Variants in USP7 observed in about 807,000 individuals in gnomAD.
The protein encoded by USP7 is ubiquitin C-terminal hydrolase 7.
A neutral mutation model predicts 162.9 loss-of-function variants in USP7; 9 were observed. The observed-to-expected ratio is 0.06, with a 90% CI of 0.03 to 0.10. USP7 has a LOEUF of 0.10. Among genes scored for constraint, USP7 ranks in the 10% least tolerant of loss-of-function variants. The pLI, the probability that USP7 is intolerant of heterozygous loss-of-function variation, is 1.00. For synonymous variants in USP7, 562 were observed against 475.9 expected (o/e 1.18, Z -2.35); for missense variants, 715 against 1,373.7 (o/e 0.52, Z 7.58).
At chr16:8,923,817 T>C (rs1383581067) in intron 2 of USP7, among the ~76,000 whole-genome samples, 1 of 152,198 alleles carries the variant, frequency 6.6e-6, no homozygotes, top group African/African-American at 2.4e-5. Flanking sequence ...GACATGGGAC[T>C]TGGGCTGACT....
At chr16:8,939,249 G>C (rs547508047) in intron 1 of USP7, among the ~76,000 whole-genome samples, 1 of 152,008 alleles carries the variant, frequency 6.6e-6, no homozygotes, top group Non-Finnish European at 1.5e-5. Context: ...GCCCTGTTAC[G>C]ACCACCCACC....
At chr16:8,956,196 ATCT>A (rs1428356094) in intron 1 of USP7, 1 of 152,194 alleles carries the variant, frequency 6.6e-6, no homozygotes, top group Non-Finnish European at 1.5e-5. Flanking sequence ...GGATTTTTTA[ATCT>A]TCTATGGCAG....
chr16:8,899,010 G>T, intron 23 of USP7, 111 bp downstream of exon 23: 2 of 1,130,094 alleles, frequency 1.8e-6, no homozygotes, highest in Non-Finnish European at 2.6e-6. Flanking sequence ...GCAAGAAATG[G>T]ACTGTCAGGT....
At chr16:8,924,292 G>A (rs762116730) in intron 2 of USP7, among the ~76,000 whole-genome samples, 15 of 152,338 alleles carry the variant, frequency 9.8e-5, no homozygotes, top group Non-Finnish European at 2.1e-4. Flanking sequence ...ACACCAATCT[G>A]TTATTGACCA....
chr16:8,903,451 A>G (rs770036561), intron 15 of USP7, 49 bp from the exon 16 acceptor site: 9 of 1,595,148 alleles, frequency 5.6e-6, no homozygotes, highest in Non-Finnish European at 6.8e-6. Flanking sequence ...CTGACAAAAA[A>G]TGAGTCCACA....
chr16:8,918,930 A>T, intron 6 of USP7, 101 bp downstream of exon 6: 4 of 1,156,228 alleles, frequency 3.5e-6, no homozygotes, highest in Non-Finnish European at 5.2e-6. Flanking sequence ...AGACAGGGCC[A>T]GGGGAGGGAG....
chr16:8,894,590 G>A lies in USP7; in HGVS notation c.3162C>T (p.Asp1054=), dbSNP rs201268930. The change falls in exon 30 of 31, where the codon GAC becomes GAT. Residue 1054 remains aspartate, a synonymous_variant. Transcript: ENST00000344836. ...AGTCTTTCAAATTTACTTCATACTC[G>A]TCTTCATTTATGTACTGGTGTCGGC... The part of the protein sequence containing the change: ...MMGRHQYINE[D]EYEVNLKDFE... 1.2e-5 allele frequency: 20 copies of A among 1,613,448 alleles called. No individual in the cohort carries two copies. The highest frequency in any genetic ancestry group is 3.3e-5 in the Admixed American group (2 of 60,004).
chr16:8,924,668 G>A (rs1897892521), intron 2 of USP7, among the ~76,000 whole-genome samples: 1 of 152,242 alleles, frequency 6.6e-6, no homozygotes, highest in African/African-American at 2.4e-5. Context: ...ACTAACAACT[G>A]AGTTCTCAGC....
Position 8,903,421 on chromosome 16 carries a change from G to C in USP7, c.1705-19C>G, listed in dbSNP as rs1427143132. 1.9e-6 allele frequency: 3 copies of C among 1,608,884 alleles called. No homozygotes were observed. The highest frequency in any genetic ancestry group is 1.7e-5 in the Admixed American group (1 of 59,612). ...CGACTATCTGAAAATATGTATGAAA[G>C]CACAGAAAAGACTTGACAACTGACA... On this transcript the variant is annotated intron_variant, in intron 15 of 30. Transcript: ENST00000344836.
At chr16:8,957,384 C>A (rs1266417608) in intron 1 of USP7, among the ~76,000 whole-genome samples, 10 of 152,148 alleles carry the variant, frequency 6.6e-5, no homozygotes, top group Admixed American at 6.5e-4. Flanking sequence ...CTCTTGTTCT[C>A]CAGGATAAAA....
intron 10 of USP7, among the ~76,000 whole-genome samples, chr16:8,912,106 C>T (rs571038449): frequency 6.6e-6 from 1 of 152,088 alleles, no homozygotes; most frequent in Admixed American, 6.5e-5. Context: ...TATCTAACAC[C>T]CAGCAAGATA....
chr16:8,926,257 A>C (rs546431596), intron 2 of USP7, among the ~76,000 whole-genome samples: 1 of 152,088 alleles, frequency 6.6e-6, no homozygotes, highest in South Asian at 2.1e-4. Context: ...GCGGGCGGAT[A>C]ACCTGAGGTC....
rs550804234 is a variant in USP7, at chr16:8,895,754, G to GAA, written c.2820-15_2820-14dup. 8 of 1,525,648 alleles carry GAA rather than the reference G, an allele frequency of 5.2e-6. No homozygotes were observed. The highest frequency in any genetic ancestry group is 7.1e-6 in the Non-Finnish European group (8 of 1,131,838). The allele number at this position is 1,525,648 out of a possible 1,614,324, so 94.5% of individuals were successfully genotyped here. A position where few individuals can be genotyped will look rare whatever the true frequency, so the allele number is the denominator to read the frequency against. ...AATTTCTAGCAGCCTGAACAGAGAG[G>GAA]AAAAAAAAATAGGGCAAAATGAAGT... On this transcript the variant is annotated splice_polypyrimidine_tract_variant and intron_variant, in intron 26 of 30. Transcript: ENST00000344836.
At chr16:8,907,826 A>C (rs1221474753) in intron 12 of USP7, among the ~76,000 whole-genome samples, 1 of 152,224 alleles carries the variant, frequency 6.6e-6, no homozygotes, top group East Asian at 1.9e-4. Flanking sequence ...AAACATAATA[A>C]AACAAAGTAA....
chr16:8,894,203 AG>A (rs1435577347), intron 30 of USP7, 99 bp from the exon 31 acceptor site: 3 of 1,149,566 alleles, frequency 2.6e-6, no homozygotes, highest in Admixed American at 1.7e-5. Flanking sequence ...TGGCTCCCCA[AG>A]GGGTAAGTTC....
intron 19 of USP7, 25 bp from the exon 20 acceptor site, chr16:8,901,082 T>A (rs370654731): frequency 6.2e-7 from 1 of 1,613,954 alleles, no homozygotes; most frequent in Non-Finnish European, 8.5e-7. Context: ...ATATTTTAAA[T>A]GTGTAGCTGT....
intron 1 of USP7, among the ~76,000 whole-genome samples, chr16:8,932,471 C>T (rs894029321): frequency 1.3e-5 from 2 of 150,672 alleles, no homozygotes; most frequent in East Asian, 3.9e-4. Flanking sequence ...CCTAGACCAT[C>T]ATGTCTTGAC....
chr16:8,902,318 A>G, intron 17 of USP7, 63 bp downstream of exon 17: 1 of 1,567,944 alleles, frequency 6.4e-7, no homozygotes, highest in Non-Finnish European at 8.7e-7. Context: ...AAGCTGCACT[A>G]AGTGCAGAGG....
At chr16:8,961,942 G>C (rs1173393265) in intron 1 of USP7, among the ~76,000 whole-genome samples, 2 of 152,182 alleles carry the variant, frequency 1.3e-5, no homozygotes, top group African/African-American at 4.8e-5. Flanking sequence ...AAATACCACT[G>C]GGGAGTGCCT....
Sources: allele counts gnomAD v4.1 joint callset (sites outside exome capture counted in the v4.1 genomes callset), GRCh38; gene constraint gnomAD v4.1.1; transcripts MANE v1.5; gene names NCBI Gene and HGNC (gene_info 2026-07-23, HGNC 2026-07-21).